The following ATP10A variants were observed in gnomAD, a reference collection of about 807,000 sequenced individuals.
ATP10A encodes the protein ATPase phospholipid transporting 10A (putative), also known as phospholipid-transporting ATPase VA.
Under a neutral mutation model 147.8 loss-of-function variants are expected in ATP10A, and 111 were observed. The ratio of observed to expected loss-of-function variants is 0.75; its 90% CI spans 0.64 to 0.88. The LOEUF (loss-of-function observed/expected upper bound fraction) is 0.88, where lower values mean the gene tolerates loss of function less well. ATP10A is among the 40% of genes least tolerant of loss of function. The probability of loss-of-function intolerance (pLI) is 0.00; values close to 1 mark genes in which losing one functional copy is unlikely to be tolerated. For missense variants in ATP10A, 1,927 were observed against 1,959.0 expected, an observed-to-expected ratio of 0.98 and a Z score of 0.31; for synonymous variants, 875 against 841.6, an observed-to-expected ratio of 1.04 and a Z score of -0.69.
intron 1 of ATP10A, among the ~76,000 whole-genome samples, chr15:25,850,521 C>G (rs569475799): frequency 6.6e-6 from 1 of 152,182 alleles, no homozygotes; most frequent in Non-Finnish European, 1.5e-5. Flanking sequence ...ACCCTGGGGG[C>G]CAGCCCACAG....
chr15:25,755,045 C>A (rs1210092615), intron 2 of ATP10A, among the ~76,000 whole-genome samples: 2 of 152,182 alleles, frequency 1.3e-5, no homozygotes, highest in Non-Finnish European at 2.9e-5. Context: ...TCATGATCTA[C>A]TCCAGAATAT....
chr15:25,816,820 CCTT>C (rs1891675537), intron 1 of ATP10A, among the ~76,000 whole-genome samples: 1 of 152,008 alleles, frequency 6.6e-6, no homozygotes, highest in South Asian at 2.1e-4. Context: ...GTATTATTCT[CCTT>C]GTTAGGGAAA....
intron 1 of ATP10A, among the ~76,000 whole-genome samples, chr15:25,851,364 T>A (rs577908789): frequency 6.8e-6 from 1 of 146,078 alleles, no homozygotes; most frequent in Non-Finnish European, 1.5e-5. Context: ...TTACTTTAGG[T>A]TTTTTTTTTT....
At chr15:25,845,050 C>T (rs1345421834) in intron 1 of ATP10A, among the ~76,000 whole-genome samples, 1 of 152,130 alleles carries the variant, frequency 6.6e-6, no homozygotes, top group African/African-American at 2.4e-5. Flanking sequence ...CTCCACAAAT[C>T]CCCCCCAAAC....
chr15:25,808,696 A>G (rs1464812724), intron 1 of ATP10A, among the ~76,000 whole-genome samples: 2 of 152,186 alleles, frequency 1.3e-5, no homozygotes, highest in Non-Finnish European at 2.9e-5. Context: ...GAACAGTTTT[A>G]TAAGTAACTA....
chr15:25,716,759 C>A lies in ATP10A; in HGVS notation c.1747G>T (p.Val583Phe). The change falls in exon 9 of 21, where the codon GTC becomes TTC. Residue 583 changes from valine to phenylalanine, a missense_variant. Coordinates refer to ENST00000555815, the MANE Select transcript of ATP10A (RefSeq NM_024490.4). ...IALTICNTVV[V>F]TSPDQPRTKV... ...GTTCGTGGCTGATCCGGGGACGTGA[C>A]GACGACTGTGTTGCAGATGGTGAGT... The A allele has an allele frequency of 6.3e-7, 1 of 1,598,232 alleles. No individual in the cohort carries two copies. Among genetic ancestry groups the A allele is most frequent in the Non-Finnish European group, 8.5e-7 (1 of 1,172,322 alleles).
At chr15:25,822,955 T>A (rs1381199757) in intron 1 of ATP10A, among the ~76,000 whole-genome samples, 2 of 152,182 alleles carry the variant, frequency 1.3e-5, no homozygotes, top group Non-Finnish European at 2.9e-5. Flanking sequence ...AAATTGTGAG[T>A]CATTTAATCT....
At chr15:25,761,311 A>T (rs1888745211) in intron 2 of ATP10A, among the ~76,000 whole-genome samples, 1 of 152,210 alleles carries the variant, frequency 6.6e-6, no homozygotes, top group Admixed American at 6.5e-5. Context: ...TCACACTGCT[A>T]ATAAAGACAT....
intron 3 of ATP10A, among the ~76,000 whole-genome samples, chr15:25,730,293 C>T (rs1469757146): frequency 7.2e-6 from 1 of 138,752 alleles, no homozygotes; most frequent in Non-Finnish European, 1.5e-5. Flanking sequence ...CAGAGTGAGA[C>T]TCTGTCTCAA....
intron 1 of ATP10A, among the ~76,000 whole-genome samples, chr15:25,793,360 C>T (rs1890524027): frequency 6.6e-6 from 1 of 152,202 alleles, no homozygotes; most frequent in Non-Finnish European, 1.5e-5. Context: ...CTCATGCACA[C>T]TTACACCCTT....
chr15:25,768,695 T>TG (rs941952787), intron 2 of ATP10A, among the ~76,000 whole-genome samples: 5 of 146,152 alleles, frequency 3.4e-5, no homozygotes, highest in Admixed American at 3.4e-4. Context: ...TTTTTTTTTT[T>TG]TTTTTTTTTT....
chr15:25,686,128 C>A (rs1899701380), intron 16 of ATP10A, among the ~76,000 whole-genome samples: 1 of 152,100 alleles, frequency 6.6e-6, no homozygotes, highest in Non-Finnish European at 1.5e-5. Flanking sequence ...CCAAACCTAT[C>A]AAGTTAAACA....
chr15:25,758,971 C>T (rs938788964), intron 2 of ATP10A, among the ~76,000 whole-genome samples: 30 of 152,112 alleles, frequency 2.0e-4, no homozygotes, highest in Non-Finnish European at 7.3e-5. Context: ...AAAGCACTTA[C>T]CCTGTCAGTC....
intron 13 of ATP10A, among the ~76,000 whole-genome samples, chr15:25,695,757 ATAGT>A (rs1383770467): frequency 1.3e-5 from 2 of 152,174 alleles, no homozygotes; most frequent in African/African-American, 4.8e-5. Flanking sequence ...AAATTGCTGG[ATAGT>A]TAGACTGAAG....
chr15:25,693,254 C>A (rs1044504870), intron 14 of ATP10A, among the ~76,000 whole-genome samples: 6 of 152,302 alleles, frequency 3.9e-5, no homozygotes, highest in Non-Finnish European at 7.4e-5. Context: ...AACTCCCGGG[C>A]TCAAGTGATC....
chr15:25,825,996 C>T (rs577084379), intron 1 of ATP10A, among the ~76,000 whole-genome samples: 10 of 151,908 alleles, frequency 6.6e-5, no homozygotes, highest in African/African-American at 2.4e-4. Flanking sequence ...AAAAAAGAAC[C>T]AAATACAAAT....
At chr15:25,688,947 C>T (rs1343759318) in intron 15 of ATP10A, among the ~76,000 whole-genome samples, 1 of 152,222 alleles carries the variant, frequency 6.6e-6, no homozygotes, top group Non-Finnish European at 1.5e-5. Context: ...CCACTATTGC[C>T]AGCCACAGAC....
intron 17 of ATP10A, among the ~76,000 whole-genome samples, chr15:25,682,725 A>G (rs889640959): frequency 1.3e-5 from 2 of 152,218 alleles, no homozygotes; most frequent in African/African-American, 4.8e-5. Flanking sequence ...TCATCAGTGA[A>G]TGAATCTGGA....
At chr15:25,856,063 G>A (rs978203800) in intron 1 of ATP10A, among the ~76,000 whole-genome samples, 2 of 152,198 alleles carry the variant, frequency 1.3e-5, no homozygotes, top group Non-Finnish European at 1.5e-5. Flanking sequence ...CAACTTCTCT[G>A]TTAAGTCTAA....
Sources: allele counts gnomAD v4.1 joint callset (sites outside exome capture counted in the v4.1 genomes callset), GRCh38; gene constraint gnomAD v4.1.1; transcripts MANE v1.5; gene names NCBI Gene and HGNC (gene_info 2026-07-23, HGNC 2026-07-21).